WRN: variants seen among roughly 807,000 people sequenced by gnomAD.
WRN encodes WRN RecQ like helicase.
WRN carries 149 observed loss-of-function variants against 180.7 expected under a neutral mutation model. That is an observed-to-expected ratio of 0.82 (90% CI 0.72 to 0.94). The LOEUF (loss-of-function observed/expected upper bound fraction) is 0.94, where lower values mean the gene tolerates loss of function less well. Ranked by LOEUF, WRN falls within the 40% of genes least tolerant of loss-of-function variation. The pLI is 0.00. For synonymous variants in WRN, 548 were observed against 568.9 expected (o/e 0.96, Z 0.52); for missense variants, 1,661 against 1,700.1 (o/e 0.98, Z 0.40).
rs138793809 is a variant in WRN at position 31,130,140 on chromosome 8, T to A, written c.2826-2225T>A. ...GGATTCAAGACCAGTCTGGGCAACATAACGAGACCGCATCTCTACAAAATT... is the reference window on the plus strand; with the variant it reads ...GGATTCAAGACCAGTCTGGGCAACAAAACGAGACCGCATCTCTACAAAATT... On this transcript the variant is annotated intron_variant, in intron 23 of 34. Coordinates refer to ENST00000298139, the MANE Select transcript of WRN (RefSeq NM_000553.6). Among the ~76,000 whole-genome samples the A allele has an allele frequency of 2.1e-3, 317 of 149,152 alleles. 3 individuals are homozygous for A. Among genetic ancestry groups the A allele is most frequent in the African/African-American group, 7.5e-3 (303 of 40,474 alleles).
intron 13 of WRN, among the ~76,000 whole-genome samples, chr8:31,090,102 A>G (rs1813688063): frequency 6.6e-6 from 1 of 151,742 alleles, no homozygotes; most frequent in African/African-American, 2.4e-5. Flanking sequence ...AAGAGATATT[A>G]TTATCATCAC....
At chr8:31,087,126 G>A (rs904789218) in intron 11 of WRN, among the ~76,000 whole-genome samples, 1 of 151,946 alleles carries the variant, frequency 6.6e-6, no homozygotes, top group Non-Finnish European at 1.5e-5. Context: ...AAAAACTGTA[G>A]TTTAATAAAG....
chr8:31,035,553 T>A (rs1321097208), intron 1 of WRN, among the ~76,000 whole-genome samples: 2 of 152,138 alleles, frequency 1.3e-5, no homozygotes, highest in Non-Finnish European at 2.9e-5. Flanking sequence ...TGTGTAGGAC[T>A]TTATGGGCTA....
In WRN at chr8:31,132,366, T is replaced by A. The variant is rs1217549627; in HGVS notation, c.2827T>A (p.Leu943Met). 6.2e-7 allele frequency: 1 copy of A among 1,613,650 alleles called. No individual in the cohort carries two copies. Among genetic ancestry groups the A allele is most frequent in the East Asian group, 2.2e-5 (1 of 44,874 alleles). The change falls in exon 24 of 35, where the codon TTG becomes ATG. Residue 943 changes from leucine to methionine, a missense_variant and splice_region_variant. Physicochemically the swap from Leu to Met is conservative, Grantham distance 15. Around this residue, in one of 3 missense-constraint regions of WRN, gnomAD observed 1,141 missense variants for 1,149.4 expected, o/e 0.99. Coordinates refer to ENST00000298139, the MANE Select transcript of WRN (RefSeq NM_000553.6). The stretch of plus-strand genomic sequence containing the variant: ...TCAAATGTTATTATTTTTATTTAGA[T>A]TGGATCATTGCTATTCCATGGATGA... The part of the protein sequence containing the change: ...EKCCDNCRSR[L>M]DHCYSMDDSE...
intron 20 of WRN, among the ~76,000 whole-genome samples, chr8:31,117,046 G>A (rs1330777085): frequency 6.6e-6 from 1 of 152,196 alleles, no homozygotes. Context: ...AGTTGAATGG[G>A]TCGGTTGGCC....
At chr8:31,036,487 T>TC (rs1811456723) in intron 1 of WRN, among the ~76,000 whole-genome samples, 1 of 152,222 alleles carries the variant, frequency 6.6e-6, no homozygotes, top group Admixed American at 6.5e-5. Context: ...AGGAAGGAGT[T>TC]CCCTTTTCTC....
Position 31,120,425 on chromosome 8 carries a change from G to T in WRN, c.2630+1G>T. On this transcript the variant is annotated splice_donor_variant, in intron 21 of 34. Coordinates refer to ENST00000298139, the MANE Select transcript of WRN (RefSeq NM_000553.6). LOFTEE classifies it high-confidence loss of function. ...CTCCTGCAGACATTAACTTAAATAG[G>T]TAAAAAAAATTTATTGTTTTTACTC... 1 of 1,609,244 alleles carries T rather than the reference G, an allele frequency of 6.2e-7. No homozygotes were observed. The highest frequency in any genetic ancestry group is 8.5e-7 in the Non-Finnish European group (1 of 1,177,688).
intron 23 of WRN, among the ~76,000 whole-genome samples, chr8:31,128,838 A>C (rs975693205): frequency 2.0e-5 from 3 of 152,184 alleles, no homozygotes; most frequent in African/African-American, 4.8e-5. Flanking sequence ...CAGCCTGGGC[A>C]ACAGAGCGAG....
At chr8:31,148,049 G>A (rs964554500) in intron 30 of WRN, among the ~76,000 whole-genome samples, 1 of 151,946 alleles carries the variant, frequency 6.6e-6, no homozygotes, top group African/African-American at 2.4e-5. Flanking sequence ...ACCATGCTCA[G>A]CTAATTTTTG....
At chr8:31,043,939 A>AATAG (rs1157662708) in intron 1 of WRN, among the ~76,000 whole-genome samples, 7 of 151,786 alleles carry the variant, frequency 4.6e-5, no homozygotes, top group Non-Finnish European at 1.5e-5. Context: ...ATAATTGCAA[A>AATAG]ATATCTGATT....
At chr8:31,112,802 G>C (rs1801369439) in intron 19 of WRN, among the ~76,000 whole-genome samples, 1 of 152,212 alleles carries the variant, frequency 6.6e-6, no homozygotes, top group African/African-American at 2.4e-5. Context: ...TGGCCAGGCT[G>C]ATCTCGAACT....
At chr8:31,086,943 A>G (rs1387359319) in intron 11 of WRN, among the ~76,000 whole-genome samples, 2 of 152,198 alleles carry the variant, frequency 1.3e-5, no homozygotes, top group South Asian at 2.1e-4. Context: ...TGCCCATATT[A>G]GAGAACTCTA....
intron 1 of WRN, among the ~76,000 whole-genome samples, chr8:31,046,313 A>C (rs1233907652): frequency 6.6e-6 from 1 of 152,154 alleles, no homozygotes; most frequent in African/African-American, 2.4e-5. Flanking sequence ...GCTTTGATAA[A>C]AATTAGGCTT....
chr8:31,067,271 A>G (rs1210673078), intron 6 of WRN, 89 bp downstream of exon 6: 2 of 1,427,216 alleles, frequency 1.4e-6, no homozygotes, highest in East Asian at 2.5e-5. Flanking sequence ...TAGTAGTGGC[A>G]GAAACTCTAC....
intron 23 of WRN, among the ~76,000 whole-genome samples, chr8:31,125,537 G>GACATATATATATATATATATAT (rs1365119717): frequency 1.6e-5 from 1 of 63,766 alleles, no homozygotes; most frequent in Non-Finnish European, 3.0e-5. Flanking sequence ...ATATTATGGA[G>GACATATATATATATATATATAT]ATATATATAT....
intron 33 of WRN, among the ~76,000 whole-genome samples, chr8:31,158,005 G>C (rs562246232): frequency 6.6e-6 from 1 of 152,144 alleles, no homozygotes; most frequent in Non-Finnish European, 1.5e-5. Flanking sequence ...TGCGATTACA[G>C]GTGTGAGCCA....
chr8:31,126,218 T>C (rs61032811), intron 23 of WRN, among the ~76,000 whole-genome samples: 4,017 of 152,194 alleles, frequency 0.026, 177 homozygotes, highest in African/African-American at 0.088. Context: ...CAAGTGCAGA[T>C]GCAGTATTCA....
chr8:31,124,637 A>G lies in WRN; in HGVS notation c.2732+14A>G. The G allele has an allele frequency of 1.9e-6, 3 of 1,583,616 alleles. No homozygotes were observed. The highest frequency in any genetic ancestry group is 2.6e-6 in the Non-Finnish European group (3 of 1,152,928). On this transcript the variant is annotated intron_variant, in intron 22 of 34. Transcript: ENST00000298139. ...ATGTAGGAGACAGTATGTATTATTT[A>G]TTTTATGCCAATAGTATGGATTTAT...
At chr8:31,112,409 C>A (rs536849113) in intron 19 of WRN, among the ~76,000 whole-genome samples, 2 of 152,106 alleles carry the variant, frequency 1.3e-5, no homozygotes, top group Non-Finnish European at 2.9e-5. Flanking sequence ...CTATTGTAGG[C>A]GCTTTCTATA....
Sources: allele counts gnomAD v4.1 joint callset (sites outside exome capture counted in the v4.1 genomes callset), GRCh38; gene constraint gnomAD v4.1.1; regional missense constraint gnomAD v4.1.1; transcripts MANE v1.5; gene names NCBI Gene and HGNC (gene_info 2026-07-23, HGNC 2026-07-21).